Variants in DGKB observed in about 807,000 individuals in gnomAD.
DGKB encodes diacylglycerol kinase beta, also known as 90 kDa diacylglycerol kinase.
DGKB carries 67 observed loss-of-function variants against 114.3 expected under a neutral mutation model. The ratio of observed to expected loss-of-function variants is 0.59; its 90% CI spans 0.48 to 0.72. The LOEUF is 0.72. Ranked by LOEUF, DGKB falls within the 30% of genes least tolerant of loss-of-function variation. The pLI is 0.00. For missense variants in DGKB, 907 were observed against 975.2 expected (o/e 0.93, Z 0.93); for synonymous variants, 398 against 323.1 (o/e 1.23, Z -2.49).
At position 14,451,742 on chromosome 7, in the gene DGKB, T is replaced by G. The variant is rs549429243; in HGVS notation, c.1835+26419A>C. Among the ~76,000 whole-genome samples the G allele has an allele frequency of 2.0e-5, 3 of 152,226 alleles. No homozygotes were observed. In the South Asian group the frequency reaches 6.2e-4, roughly 32 times the overall value. The stretch of plus-strand genomic sequence containing the variant: ...TACCCAGAACAACTGGGTAGTTACA[T>G]CAATGAGAAAATGTGTTAAACCAGA... On this transcript the variant is annotated intron_variant, in intron 21 of 25. Coordinates refer to ENST00000402815, the MANE Select transcript of DGKB (RefSeq NM_001350709.2).
chr7:14,616,187 G>C (rs550434169), intron 15 of DGKB, among the ~76,000 whole-genome samples: 1 of 146,956 alleles, frequency 6.8e-6, no homozygotes. Flanking sequence ...ACATTCTCTC[G>C]TATATACATA....
At chr7:14,830,630 T>C (rs949596252) in intron 2 of DGKB, among the ~76,000 whole-genome samples, 1 of 151,834 alleles carries the variant, frequency 6.6e-6, no homozygotes, top group African/African-American at 2.4e-5. Context: ...ACCTGAAAAA[T>C]ATTCTAGAAG....
At chr7:14,725,225 C>T (rs1471100512) in intron 5 of DGKB, among the ~76,000 whole-genome samples, 3 of 152,054 alleles carry the variant, frequency 2.0e-5, no homozygotes, top group African/African-American at 7.2e-5. Context: ...CTCTTCAATA[C>T]AATAAAATTA....
At chr7:14,931,151 G>A (rs1413947753) in intron 1 of DGKB, among the ~76,000 whole-genome samples, 3 of 143,182 alleles carry the variant, frequency 2.1e-5, no homozygotes, top group Non-Finnish European at 3.0e-5. Context: ...TCATCCTGTC[G>A]CCCAGGCTAG....
intron 1 of DGKB, among the ~76,000 whole-genome samples, chr7:14,961,853 C>T (rs1236562155): frequency 2.0e-5 from 3 of 152,000 alleles, no homozygotes; most frequent in South Asian, 2.1e-4. Flanking sequence ...TTTGCTAGCC[C>T]CTCTAAACTT....
At chr7:14,825,607 G>A (rs560403626) in intron 2 of DGKB, among the ~76,000 whole-genome samples, 2 of 152,184 alleles carry the variant, frequency 1.3e-5, no homozygotes, top group East Asian at 3.9e-4. Context: ...GATGGCGAGT[G>A]GCTGTAAATA....
chr7:14,559,509 T>C (rs573825404), intron 20 of DGKB, among the ~76,000 whole-genome samples: 1 of 152,268 alleles, frequency 6.6e-6, no homozygotes, highest in African/African-American at 2.4e-5. Flanking sequence ...AGTTCTGGGG[T>C]AAAAGCAATA....
intron 4 of DGKB, among the ~76,000 whole-genome samples, chr7:14,745,691 T>TG (rs1406719661): frequency 2.0e-5 from 3 of 152,346 alleles, no homozygotes; most frequent in Admixed American, 2.0e-4. Flanking sequence ...AGCTCATGTG[T>TG]GGTGGCCTGG....
At chr7:14,305,593 A>G (rs761487394) in intron 23 of DGKB, among the ~76,000 whole-genome samples, 5 of 152,156 alleles carry the variant, frequency 3.3e-5, no homozygotes, top group Non-Finnish European at 7.4e-5. Flanking sequence ...ACATGTTAAC[A>G]ACAGCATTTA....
chr7:14,700,462 C>A (rs1186058306), intron 7 of DGKB, among the ~76,000 whole-genome samples: 1 of 152,042 alleles, frequency 6.6e-6, no homozygotes. Context: ...ATCGCCTGCC[C>A]GTCTTGGCAT....
At chr7:14,664,614 CTATT>C (rs1224288510) in intron 13 of DGKB, among the ~76,000 whole-genome samples, 1 of 151,976 alleles carries the variant, frequency 6.6e-6, no homozygotes, top group Admixed American at 6.6e-5. Flanking sequence ...GTCACTGAGA[CTATT>C]TATATAAACA....
intron 13 of DGKB, among the ~76,000 whole-genome samples, chr7:14,635,275 T>C (rs1174131874): frequency 1.5e-5 from 2 of 135,160 alleles, no homozygotes; most frequent in Non-Finnish European, 3.1e-5. Context: ...ATTTGTAGAG[T>C]TTTGTCTGGA....
chr7:14,958,766 G>A (rs1285997441), intron 1 of DGKB, among the ~76,000 whole-genome samples: 3 of 152,026 alleles, frequency 2.0e-5, no homozygotes, highest in African/African-American at 7.2e-5. Context: ...CCTGACACCT[G>A]CTGGGCACAG....
chr7:14,912,567 C>T (rs967309218), intron 1 of DGKB, among the ~76,000 whole-genome samples: 1 of 152,072 alleles, frequency 6.6e-6, no homozygotes, highest in Non-Finnish European at 1.5e-5. Context: ...CATGAGAAGT[C>T]AGAACTGTTT....
At chr7:14,348,234 G>A (rs760043817) in intron 21 of DGKB, among the ~76,000 whole-genome samples, 1 of 150,998 alleles carries the variant, frequency 6.6e-6, no homozygotes, top group Non-Finnish European at 1.5e-5. Flanking sequence ...TTTCAAGAAT[G>A]GATACAAATG....
intron 1 of DGKB, among the ~76,000 whole-genome samples, chr7:14,888,158 T>C (rs1013889858): frequency 3.3e-5 from 5 of 151,766 alleles, no homozygotes; most frequent in Admixed American, 1.3e-4. Flanking sequence ...ATATATTTAA[T>C]AATTAGGAAG....
chr7:14,869,444 C>T (rs1852148430), intron 1 of DGKB, among the ~76,000 whole-genome samples: 2 of 152,080 alleles, frequency 1.3e-5, no homozygotes, highest in South Asian at 2.1e-4. Flanking sequence ...AATCGATATA[C>T]ACTCCTCCAA....
At chr7:14,300,169 TA>T (rs1372780574) in intron 23 of DGKB, among the ~76,000 whole-genome samples, 7 of 152,160 alleles carry the variant, frequency 4.6e-5, no homozygotes, top group African/African-American at 1.7e-4. Context: ...CTACGTTACA[TA>T]AAGAGTTTCT....
At chr7:14,629,129 T>C (rs1432100170) in intron 14 of DGKB, among the ~76,000 whole-genome samples, 2 of 151,962 alleles carry the variant, frequency 1.3e-5, no homozygotes, top group African/African-American at 4.8e-5. Flanking sequence ...CTCAAGAACC[T>C]GAGGATGCAA....
Sources: allele counts gnomAD v4.1 joint callset (sites outside exome capture counted in the v4.1 genomes callset), GRCh38; gene constraint gnomAD v4.1.1; transcripts MANE v1.5; gene names NCBI Gene and HGNC (gene_info 2026-07-23, HGNC 2026-07-21).